The following CNTN4 variants were observed in gnomAD, a reference collection of about 807,000 sequenced individuals.
CNTN4 encodes the protein contactin-4.
CNTN4 carries 77 observed loss-of-function variants against 122.5 expected under a neutral mutation model. The ratio of observed to expected loss-of-function variants is 0.63; its 90% CI spans 0.52 to 0.76. The LOEUF is 0.76. Ranked by LOEUF, CNTN4 falls within the 30% of genes least tolerant of loss-of-function variation. The pLI is 0.00. For missense variants in CNTN4, 1,256 were observed against 1,259.1 expected, an observed-to-expected ratio of 1.00 and a Z score of 0.04; for synonymous variants, 512 against 447.0, an observed-to-expected ratio of 1.15 and a Z score of -1.83.
chr3:2,204,100 A>G (rs1163124601), intron 2 of CNTN4, among the ~76,000 whole-genome samples: 6 of 152,192 alleles, frequency 3.9e-5, no homozygotes, highest in African/African-American at 1.2e-4. Context: ...GTTTTATAAC[A>G]TGTATCTGAG....
intron 12 of CNTN4, among the ~76,000 whole-genome samples, chr3:2,919,182 A>G (rs563236454): frequency 2.9e-5 from 3 of 105,152 alleles, no homozygotes; most frequent in Non-Finnish European, 6.1e-5. Flanking sequence ...CATCTCTACT[A>G]AAAATACAAA....
intron 2 of CNTN4, among the ~76,000 whole-genome samples, chr3:2,138,532 C>T (rs2034825153): frequency 6.6e-6 from 1 of 152,124 alleles, no homozygotes; most frequent in Non-Finnish European, 1.5e-5. Flanking sequence ...TTGAGATCAC[C>T]ACTAGAATAA....
At chr3:2,669,898 C>T (rs1180040266) in intron 4 of CNTN4, among the ~76,000 whole-genome samples, 1 of 152,162 alleles carries the variant, frequency 6.6e-6, no homozygotes, top group Non-Finnish European at 1.5e-5. Flanking sequence ...TGTAGTTGAG[C>T]AGTTTTGAGT....
intron 3 of CNTN4, among the ~76,000 whole-genome samples, chr3:2,420,811 C>T (rs1484656881): frequency 6.6e-6 from 1 of 152,152 alleles, no homozygotes; most frequent in Non-Finnish European, 1.5e-5. Context: ...AAACTAGTTA[C>T]ACTGTAATAC....
chr3:2,422,502 C>T (rs903080858), intron 3 of CNTN4, among the ~76,000 whole-genome samples: 3 of 152,140 alleles, frequency 2.0e-5, no homozygotes, highest in East Asian at 1.9e-4. Context: ...GGATTCCTGA[C>T]AGCCTATATC....
chr3:2,364,853 T>C (rs2045310059), intron 3 of CNTN4, among the ~76,000 whole-genome samples: 1 of 152,198 alleles, frequency 6.6e-6, no homozygotes, highest in African/African-American at 2.4e-5. Context: ...ATATCAAGTC[T>C]TGTCATTTCT....
chr3:2,909,185 C>T (rs116557919), intron 12 of CNTN4, among the ~76,000 whole-genome samples: 5,896 of 152,266 alleles, frequency 0.039, 374 homozygotes, highest in African/African-American at 0.13. Context: ...TGAGAGGACA[C>T]ATGCCTTTCT....
intron 4 of CNTN4, among the ~76,000 whole-genome samples, chr3:2,717,497 C>G (rs1200319319): frequency 6.6e-6 from 1 of 152,160 alleles, no homozygotes; most frequent in Non-Finnish European, 1.5e-5. Context: ...CTCTGATTTC[C>G]TCCAGTCTTC....
intron 4 of CNTN4, among the ~76,000 whole-genome samples, chr3:2,732,557 A>G (rs1388193185): frequency 6.6e-6 from 1 of 151,958 alleles, no homozygotes; most frequent in Non-Finnish European, 1.5e-5. Flanking sequence ...CGGTAAATGC[A>G]GTCTTTTGTA....
At chr3:2,713,118 C>G (rs1044104303) in intron 4 of CNTN4, among the ~76,000 whole-genome samples, 1 of 152,144 alleles carries the variant, frequency 6.6e-6, no homozygotes, top group Non-Finnish European at 1.5e-5. Flanking sequence ...TCCAGAGGCC[C>G]AAATTTGCAA....
Position 3,053,897 on chromosome 3 carries a change from T to C in CNTN4, c.2902T>C (p.Tyr968His), listed in dbSNP as rs1289239169. ...GCTTTCTTTGCCTTTCGATGAAGAT[T>C]ATATAATAGAAATTAAGCCATTCAG... ...VELSLPFDED[Y>H]IIEIKPFSDG... Residue 968 changes from tyrosine (Y) to histidine (H), a missense_variant, in exon 24 of 25, where the codon TAT becomes CAT. Transcript: ENST00000418658. 7 of 1,614,046 alleles carry C rather than the reference T, an allele frequency of 4.3e-6. No homozygotes were observed. The highest frequency in any genetic ancestry group is 5.1e-6 in the Non-Finnish European group (6 of 1,180,008).
At chr3:2,309,905 T>C (rs984709241) in intron 2 of CNTN4, among the ~76,000 whole-genome samples, 4 of 152,192 alleles carry the variant, frequency 2.6e-5, no homozygotes, top group African/African-American at 9.6e-5. Flanking sequence ...TGTTTACTGA[T>C]ACTTACATAA....
At chr3:2,245,544 C>G (rs1438954228) in intron 2 of CNTN4, among the ~76,000 whole-genome samples, 1 of 151,962 alleles carries the variant, frequency 6.6e-6, no homozygotes, top group Non-Finnish European at 1.5e-5. Flanking sequence ...TGCATTGAAA[C>G]TGTTGCAACT....
chr3:2,625,482 C>G (rs2082149158), intron 4 of CNTN4, among the ~76,000 whole-genome samples: 1 of 152,196 alleles, frequency 6.6e-6, no homozygotes, highest in Non-Finnish European at 1.5e-5. Context: ...ATACCAGTCT[C>G]TTCCCTCCCA....
intron 4 of CNTN4, among the ~76,000 whole-genome samples, chr3:2,601,501 G>A (rs1458835284): frequency 7.9e-5 from 12 of 152,030 alleles, no homozygotes; most frequent in Admixed American, 2.0e-4. Context: ...GTCAAAGATC[G>A]GATGGTTATA....
At chr3:2,751,976 A>T (rs1225905920) in intron 6 of CNTN4, among the ~76,000 whole-genome samples, 1 of 152,154 alleles carries the variant, frequency 6.6e-6, no homozygotes, top group Non-Finnish European at 1.5e-5. Flanking sequence ...CAGCTTCTCA[A>T]TACCACTACA....
At chr3:2,476,349 C>G (rs973369236) in intron 3 of CNTN4, among the ~76,000 whole-genome samples, 9 of 152,180 alleles carry the variant, frequency 5.9e-5, no homozygotes, top group African/African-American at 2.2e-4. Flanking sequence ...TTTTGTTTCT[C>G]TAAAAGTTTC....
At chr3:3,009,509 C>T (rs1349071975) in intron 14 of CNTN4, among the ~76,000 whole-genome samples, 1 of 151,384 alleles carries the variant, frequency 6.6e-6, no homozygotes, top group Non-Finnish European at 1.5e-5. Flanking sequence ...TCTCAGCTCA[C>T]TGCAAGCTCC....
At chr3:2,540,672 CATA>C (rs1559210214) in intron 3 of CNTN4, among the ~76,000 whole-genome samples, 2 of 152,114 alleles carry the variant, frequency 1.3e-5, no homozygotes, top group Non-Finnish European at 2.9e-5. Flanking sequence ...ATTTCATAAA[CATA>C]ATCTTTAAGT....
Sources: allele counts gnomAD v4.1 joint callset (sites outside exome capture counted in the v4.1 genomes callset), GRCh38; gene constraint gnomAD v4.1.1; transcripts MANE v1.5; gene names NCBI Gene and HGNC (gene_info 2026-07-23, HGNC 2026-07-21).